Variants in SCN8A observed in about 807,000 individuals in gnomAD.
The protein encoded by SCN8A is sodium voltage-gated channel alpha subunit 8, also known as sodium channel protein type 8 subunit alpha.
A neutral mutation model predicts 184.1 loss-of-function variants in SCN8A; 30 were observed. That is an observed-to-expected ratio of 0.16 (90% CI 0.12 to 0.22). The LOEUF is 0.22. Among genes scored for constraint, SCN8A ranks in the 10% least tolerant of loss-of-function variants. SCN8A has a pLI of 1.00. For synonymous variants in SCN8A, 852 were observed against 907.0 expected (o/e 0.94, Z 1.09); for missense variants, 1,057 against 2,498.9 (o/e 0.42, Z 12.30).
intron 1 of SCN8A, among the ~76,000 whole-genome samples, chr12:51,658,068 C>T (rs1940857409): frequency 6.6e-6 from 1 of 151,872 alleles, no homozygotes; most frequent in Non-Finnish European, 1.5e-5. Flanking sequence ...AGCTTTGTTC[C>T]TTTTGCTCAG....
At chr12:51,680,560 A>G (rs764700431) in intron 2 of SCN8A, among the ~76,000 whole-genome samples, 7 of 152,170 alleles carry the variant, frequency 4.6e-5, no homozygotes, top group East Asian at 1.9e-4. Flanking sequence ...GAACCAATCA[A>G]CAGACATTTA....
At chr12:51,744,413 A>G (rs771373297) in intron 12 of SCN8A, among the ~76,000 whole-genome samples, 12 of 152,242 alleles carry the variant, frequency 7.9e-5, no homozygotes, top group Non-Finnish European at 1.3e-4. Context: ...TTCCACAGGC[A>G]GGAAGCCTCT....
At chr12:51,790,340 A>AT in intron 24 of SCN8A, 58 bp from the exon 25 acceptor site, 1 of 1,268,678 alleles carries the variant, frequency 7.9e-7, no homozygotes, top group Middle Eastern at 1.9e-4. Flanking sequence ...CTTAGGTCCA[A>AT]ACCCATAGCA....
chr12:51,754,881 T>C (rs1254715672), intron 14 of SCN8A, among the ~76,000 whole-genome samples: 1 of 152,218 alleles, frequency 6.6e-6, no homozygotes, highest in Non-Finnish European at 1.5e-5. Context: ...GCATGTAGCT[T>C]CCATTTGTCC....
chr12:51,791,973 A>G (rs1242244536), intron 25 of SCN8A, among the ~76,000 whole-genome samples: 1 of 152,242 alleles, frequency 6.6e-6, no homozygotes, highest in Non-Finnish European at 1.5e-5. Context: ...AGTCTTTACT[A>G]TGTACCGTGC....
At chr12:51,656,717 A>G (rs1325570501) in intron 1 of SCN8A, among the ~76,000 whole-genome samples, 1 of 152,114 alleles carries the variant, frequency 6.6e-6, no homozygotes, top group African/African-American at 2.4e-5. Flanking sequence ...ACAAATTTAG[A>G]CAAGAGTGAG....
intron 11 of SCN8A, among the ~76,000 whole-genome samples, chr12:51,714,051 T>C (rs1246434210): frequency 2.0e-5 from 3 of 152,126 alleles, no homozygotes; most frequent in Non-Finnish European, 4.4e-5. Flanking sequence ...AATATCATAC[T>C]GGCTTATGCA....
intron 2 of SCN8A, among the ~76,000 whole-genome samples, chr12:51,682,570 A>C (rs1013946971): frequency 5.3e-5 from 8 of 152,210 alleles, no homozygotes; most frequent in Non-Finnish European, 1.2e-4. Context: ...AAGGATATAC[A>C]AAAAAACTGG....
At chr12:51,780,267 C>T (rs754632159) in intron 20 of SCN8A, 4 of 455,662 alleles carry the variant, frequency 8.8e-6, no homozygotes, top group South Asian at 4.7e-5. Flanking sequence ...CTGTAAAGGG[C>T]GAGGGTAAGG....
intron 1 of SCN8A, among the ~76,000 whole-genome samples, chr12:51,635,991 T>C (rs1202276639): frequency 6.6e-6 from 1 of 152,084 alleles, no homozygotes; most frequent in Non-Finnish European, 1.5e-5. Context: ...ACCCAGAGTT[T>C]TTGTTTTTGT....
chr12:51,605,212 T>C (rs1006651807), intron 1 of SCN8A, among the ~76,000 whole-genome samples: 2 of 150,912 alleles, frequency 1.3e-5, no homozygotes, highest in Non-Finnish European at 2.9e-5. Context: ...GGTGTACCCA[T>C]CACCTGAGCA....
At chr12:51,619,153 T>C (rs574303800) in intron 1 of SCN8A, among the ~76,000 whole-genome samples, 130 of 152,308 alleles carry the variant, frequency 8.5e-4, no homozygotes, top group African/African-American at 2.9e-3. Flanking sequence ...CACTATTATA[T>C]ACCTTACTTT....
chr12:51,791,346 G>A (rs1018357696), intron 25 of SCN8A, among the ~76,000 whole-genome samples: 3 of 152,050 alleles, frequency 2.0e-5, no homozygotes, highest in African/African-American at 7.2e-5. Flanking sequence ...ACCCCCACAC[G>A]CCGCACGTGG....
chr12:51,763,368 A>G (rs1265496187), intron 15 of SCN8A, among the ~76,000 whole-genome samples: 5 of 152,204 alleles, frequency 3.3e-5, no homozygotes. Context: ...ATTTTGGCCA[A>G]CTGTAGGCGA....
At chr12:51,785,104 C>G (rs934054927) in intron 21 of SCN8A, among the ~76,000 whole-genome samples, 1 of 152,156 alleles carries the variant, frequency 6.6e-6, no homozygotes, top group African/African-American at 2.4e-5. Context: ...TTTGCCTGTT[C>G]TTTTGCACAT....
At chr12:51,641,032 A>T (rs974957918) in intron 1 of SCN8A, among the ~76,000 whole-genome samples, 2 of 152,230 alleles carry the variant, frequency 1.3e-5, no homozygotes, top group African/African-American at 2.4e-5. Flanking sequence ...TTGGAAATGC[A>T]GTTGGCTCTC....
chr12:51,602,109 T>G (rs546917073), intron 1 of SCN8A, among the ~76,000 whole-genome samples: 1 of 152,212 alleles, frequency 6.6e-6, no homozygotes, highest in East Asian at 1.9e-4. Flanking sequence ...AGAACTGTTA[T>G]TTGTGGGAAT....
chr12:51,743,201 A>T (rs1335112825), intron 12 of SCN8A, among the ~76,000 whole-genome samples: 1 of 152,118 alleles, frequency 6.6e-6, no homozygotes, highest in Admixed American at 6.6e-5. Flanking sequence ...TTTCTCCAGG[A>T]TTGGTCCCTG....
intron 25 of SCN8A, among the ~76,000 whole-genome samples, chr12:51,792,230 T>C (rs1938276540): frequency 6.8e-6 from 1 of 147,148 alleles, no homozygotes; most frequent in Non-Finnish European, 1.5e-5. Context: ...CATACTGTAA[T>C]CCCAACTTGG....
Sources: allele counts gnomAD v4.1 joint callset (sites outside exome capture counted in the v4.1 genomes callset), GRCh38; gene constraint gnomAD v4.1.1; transcripts MANE v1.5; gene names NCBI Gene and HGNC (gene_info 2026-07-23, HGNC 2026-07-21).